ADNP2: variants seen among roughly 807,000 people sequenced by gnomAD.
ADNP2 encodes activity-dependent neuroprotector homeobox protein 2.
In ADNP2, 8 loss-of-function variants were observed where a neutral mutation model predicts 16.4. The ratio of observed to expected loss-of-function variants is 0.49; its 90% CI spans 0.29 to 0.88. ADNP2 has a LOEUF of 0.88. Among genes scored for constraint, ADNP2 ranks in the 40% least tolerant of loss-of-function variants. The pLI, the probability that ADNP2 is intolerant of heterozygous loss-of-function variation, is 0.09. For missense variants in ADNP2, 1,397 were observed against 1,395.1 expected, an observed-to-expected ratio of 1.00 and a Z score of -0.02; for synonymous variants, 637 against 545.8, an observed-to-expected ratio of 1.17 and a Z score of -2.33.
chr18:80,138,745 T>A lies in ADNP2; in HGVS notation c.3332T>A (p.Leu1111Ter). The A allele has an allele frequency of 6.3e-7, 1 of 1,599,086 alleles. No individual in the cohort carries two copies. The highest frequency in any genetic ancestry group is 8.5e-7 in the Non-Finnish European group (1 of 1,176,522). The change falls in exon 4 of 4, where the codon TTA (leucine) becomes TAA (stop). Residue 1111 changes from leucine (L) to a stop codon, truncating the protein, a stop_gained. Coordinates refer to ENST00000262198, the MANE Select transcript of ADNP2 (RefSeq NM_014913.4). LOFTEE classifies it high-confidence loss of function. ...AAAAATCACAAGCCTTCTGTACTTT[T>A]AGGCTTTGATATGTCTGAACTTAAA... ...AIKNHKPSVL[L>*]GFDMSELKNV...
intron 2 of ADNP2, among the ~76,000 whole-genome samples, chr18:80,127,217 C>T (rs1338505763): frequency 6.6e-6 from 1 of 152,048 alleles, no homozygotes; most frequent in Non-Finnish European, 1.5e-5. Context: ...TGGCACTGTC[C>T]ACAGTGTCAG....
At chr18:80,134,130 G>A (rs555080695) in intron 3 of ADNP2, among the ~76,000 whole-genome samples, 14 of 152,260 alleles carry the variant, frequency 9.2e-5, no homozygotes, top group African/African-American at 2.6e-4. Context: ...CTCCACCTGA[G>A]CACAGCTTGT....
Position 80,109,461 on chromosome 18 carries a change from G to C in ADNP2, c.-25G>C, listed in dbSNP as rs982803269. 1.4e-5 allele frequency: 2 copies of C among 147,984 alleles called. No individual in the cohort carries two copies. Among genetic ancestry groups the C allele is most frequent in the Non-Finnish European group, 3.0e-5 (2 of 66,388 alleles). 9.2% of individuals were successfully genotyped at this position (147,984 alleles called of 1,614,324 possible). A position where few individuals can be genotyped will look rare whatever the true frequency, so the allele number is the denominator to read the frequency against. ...CAGCAGCGGAGACGCGGTGCTCCTC[G>C]GGCGCCAAGCGGTAGGTACGGCCCG... On this transcript the variant is annotated 5_prime_UTR_variant, in exon 1 of 4. Coordinates refer to ENST00000262198, the MANE Select transcript of ADNP2 (RefSeq NM_014913.4).
At chr18:80,123,956 C>T (rs2052441848) in intron 2 of ADNP2, among the ~76,000 whole-genome samples, 2 of 152,258 alleles carry the variant, frequency 1.3e-5, no homozygotes, top group South Asian at 4.2e-4. Flanking sequence ...TCTCAGACTC[C>T]TGACCTCAAA....
intron 1 of ADNP2, 78 bp downstream of exon 1, chr18:80,109,550 C>A (rs1396427992): frequency 1.4e-5 from 2 of 147,566 alleles, no homozygotes; most frequent in Admixed American, 6.7e-5. Context: ...CCAGTCTGGT[C>A]CCCTCCGAGC....
At chr18:80,132,083 T>C (rs1003318744) in intron 2 of ADNP2, among the ~76,000 whole-genome samples, 2 of 152,198 alleles carry the variant, frequency 1.3e-5, no homozygotes, top group Non-Finnish European at 2.9e-5. Context: ...ACGTTTAGGC[T>C]TTGCGTACAT....
chr18:80,110,521 C>T (rs1039981023), intron 1 of ADNP2, among the ~76,000 whole-genome samples: 6 of 151,532 alleles, frequency 4.0e-5, no homozygotes, highest in Admixed American at 3.3e-4. Context: ...CCACGCAGAG[C>T]CTTTATCAAA....
chr18:80,135,093 TATTA>T (rs1209741459), intron 3 of ADNP2, among the ~76,000 whole-genome samples: 10 of 152,206 alleles, frequency 6.6e-5, no homozygotes, highest in African/African-American at 2.4e-4. Context: ...TTGATGCTGT[TATTA>T]ATAATTCAGA....
chr18:80,111,254 G>C (rs2052355025), intron 1 of ADNP2, among the ~76,000 whole-genome samples: 1 of 152,122 alleles, frequency 6.6e-6, no homozygotes, highest in Non-Finnish European at 1.5e-5. Context: ...ATTTCATTTA[G>C]TTTTTTGGAG....
At chr18:80,120,339 T>C (rs72976370) in intron 2 of ADNP2, among the ~76,000 whole-genome samples, 27,337 of 151,148 alleles carry the variant, frequency 0.18, 2,754 homozygotes, top group Middle Eastern at 0.25. Flanking sequence ...CTTTTCTTTT[T>C]TTTTTTTTTT....
At position 80,117,646 on chromosome 18, in the gene ADNP2, T is replaced by C; in HGVS notation, c.104T>C (p.Leu35Pro). The C allele has an allele frequency of 6.2e-7, 1 of 1,600,914 alleles. No homozygotes were observed. The highest frequency in any genetic ancestry group is 8.5e-7 in the Non-Finnish European group (1 of 1,175,696). Residue 35 changes from leucine to proline, a missense_variant, in exon 2 of 4, where the codon CTG (leucine) becomes CCG (proline). By Grantham distance (98) the Leu-to-Pro change is moderately conservative. Transcript: ENST00000262198. The part of the protein sequence containing the change: ...DIGLDSCKEL[L>P]KDLKGFDPGE... Reference sequence around the variant, plus strand: ...GGGCTTGACAGCTGCAAGGAGTTACTGAAGGTAAGAGGACGTAAGTAGCCA... The same window carrying C: ...GGGCTTGACAGCTGCAAGGAGTTACCGAAGGTAAGAGGACGTAAGTAGCCA...
intron 2 of ADNP2, among the ~76,000 whole-genome samples, chr18:80,131,662 T>C (rs1427455488): frequency 1.3e-5 from 2 of 151,836 alleles, no homozygotes; most frequent in African/African-American, 4.8e-5. Flanking sequence ...ACCAATACTA[T>C]GCAGCCATAA....
intron 1 of ADNP2, among the ~76,000 whole-genome samples, chr18:80,113,590 A>G (rs947300112): frequency 6.6e-6 from 1 of 152,208 alleles, no homozygotes; most frequent in Non-Finnish European, 1.5e-5. Flanking sequence ...CACTTTCTGC[A>G]TATCTTACGG....
intron 2 of ADNP2, among the ~76,000 whole-genome samples, chr18:80,130,083 A>T (rs576954959): frequency 2.6e-5 from 4 of 152,220 alleles, no homozygotes; most frequent in Admixed American, 6.5e-5. Flanking sequence ...TTTCTTGAGC[A>T]CTTCTGTGGA....
At chr18:80,116,324 A>G (rs974123141) in intron 1 of ADNP2, among the ~76,000 whole-genome samples, 5 of 152,180 alleles carry the variant, frequency 3.3e-5, no homozygotes, top group Non-Finnish European at 5.9e-5. Context: ...CATTTTGGTG[A>G]CTGAATAGTG....
chr18:80,115,402 C>G (rs1425047162), intron 1 of ADNP2, among the ~76,000 whole-genome samples: 3 of 152,052 alleles, frequency 2.0e-5, no homozygotes, highest in Non-Finnish European at 4.4e-5. Context: ...CCTAGTTGTG[C>G]CCACTGCTAC....
chr18:80,135,444 C>T (rs1466242680), intron 3 of ADNP2, among the ~76,000 whole-genome samples, 168 bp from the exon 4 acceptor site: 1 of 152,180 alleles, frequency 6.6e-6, no homozygotes, highest in African/African-American at 2.4e-5. Flanking sequence ...CATAATCACT[C>T]TCTGGCCCTT....
chr18:80,133,179 C>T lies in ADNP2; in HGVS notation c.185C>T (p.Ser62Phe), dbSNP rs867194748. The change falls in exon 3 of 4, where the codon TCT (serine) becomes TTT (phenylalanine). Residue 62 changes from serine (S) to phenylalanine (F), a missense_variant. Around this residue, in one of 3 missense-constraint regions of ADNP2, gnomAD observed 777 missense variants for 719.4 expected, o/e 1.08. Coordinates refer to ENST00000262198, the MANE Select transcript of ADNP2 (RefSeq NM_014913.4). ...SWGDVSLWEP[S>F]GKKVRYRTKP... ...GGTGATGTTTCTCTCTGGGAACCTT[C>T]TGGAAAGAAAGTGGTATGTATTTTT... 1.2e-6 allele frequency: 2 copies of T among 1,612,978 alleles called. No homozygotes were observed. Among genetic ancestry groups the T allele is most frequent in the Middle Eastern group, 1.7e-4 (1 of 6,058 alleles).
intron 2 of ADNP2, among the ~76,000 whole-genome samples, chr18:80,131,775 T>C (rs1879099): frequency 0.18 from 27,225 of 148,526 alleles, 2,717 homozygotes; most frequent in Middle Eastern, 0.25. Flanking sequence ...TGCATGTTCT[T>C]ACTCACAGAT....
Sources: gnomAD v4.1 joint callset for allele counts (sites outside exome capture counted in the v4.1 genomes callset) on GRCh38, gnomAD v4.1.1 for gene constraint, gnomAD v4.1.1 regional missense constraint, MANE v1.5 for transcripts, NCBI Gene and HGNC (gene_info 2026-07-23, HGNC 2026-07-21) for gene names.